The following PHACTR3 variants were observed in gnomAD, a reference collection of about 807,000 sequenced individuals.
PHACTR3 encodes the protein protein phosphatase 1, regulatory subunit 123.
In PHACTR3, 16 loss-of-function variants were observed where a neutral mutation model predicts 66.8. The ratio of observed to expected loss-of-function variants is 0.24; its 90% CI spans 0.16 to 0.36. PHACTR3 has a LOEUF of 0.36. Among genes scored for constraint, PHACTR3 ranks in the 10% least tolerant of loss-of-function variants. The pLI, the probability that PHACTR3 is intolerant of heterozygous loss-of-function variation, is 1.00. For synonymous variants in PHACTR3, 323 were observed against 292.1 expected (o/e 1.11, Z -1.08); for missense variants, 647 against 719.9 (o/e 0.90, Z 1.16).
At chr20:59,639,083 GGA>G (rs1296326323) in intron 1 of PHACTR3, among the ~76,000 whole-genome samples, 162 of 149,538 alleles carry the variant, frequency 1.1e-3, no homozygotes, top group Admixed American at 2.9e-3. Context: ...ATGGATGGAT[GGA>G]TGGATGGATG....
At chr20:59,799,171 G>T (rs901967271) in intron 7 of PHACTR3, among the ~76,000 whole-genome samples, 1 of 130,210 alleles carries the variant, frequency 7.7e-6, no homozygotes, top group African/African-American at 3.0e-5. Context: ...GAGTCCTTTG[G>T]CATTTATTGA....
chr20:59,634,010 T>G (rs2034761519), intron 1 of PHACTR3, among the ~76,000 whole-genome samples: 1 of 152,194 alleles, frequency 6.6e-6, no homozygotes, highest in Non-Finnish European at 1.5e-5. Context: ...AAATGTCTAA[T>G]TTTTACACGA....
Position 59,830,144 on chromosome 20 carries a change from A to G in PHACTR3, c.1329-6361A>G, listed in dbSNP as rs1204587957. ...TGTCTGATGAAAGAGGCTATGACAG[A>G]CAGGAGCATGTGCGTGTCTGGTGGA... On this transcript the variant is annotated intron_variant, in intron 8 of 12. Transcript: ENST00000371015. This position sits in a 1 kb window ranked among gnomAD's most constrained non-coding sequence, Gnocchi z 5.8. 6.7e-6 allele frequency among the ~76,000 whole-genome samples: 1 copy of G among 149,342 alleles called. No homozygotes were observed. Among genetic ancestry groups the G allele is most frequent in the African/African-American group, 2.6e-5 (1 of 39,120 alleles).
At chr20:59,725,154 G>T (rs979726037) in intron 1 of PHACTR3, among the ~76,000 whole-genome samples, 1 of 151,912 alleles carries the variant, frequency 6.6e-6, no homozygotes, top group African/African-American at 2.4e-5. Context: ...TGCAAGCCCA[G>T]GTGTGCTGCG....
intron 8 of PHACTR3, among the ~76,000 whole-genome samples, chr20:59,822,384 A>T (rs2042072504): frequency 6.7e-6 from 1 of 149,016 alleles, no homozygotes; most frequent in African/African-American, 2.5e-5. Context: ...AACAAAGCAG[A>T]TGCGGGGGCT....
intron 7 of PHACTR3, among the ~76,000 whole-genome samples, chr20:59,803,651 C>T (rs2041483650): frequency 6.6e-6 from 1 of 152,190 alleles, no homozygotes; most frequent in Admixed American, 6.5e-5. Flanking sequence ...ATATACGCCA[C>T]CATTTTTAAT....
chr20:59,767,524 C>T, intron 5 of PHACTR3, 129 bp downstream of exon 5: 1 of 1,112,900 alleles, frequency 9.0e-7, no homozygotes, highest in Non-Finnish European at 1.3e-6. Flanking sequence ...CCATCCATAC[C>T]TTCAACCAGT....
chr20:59,801,252 C>G (rs528842955), intron 7 of PHACTR3, among the ~76,000 whole-genome samples: 5 of 152,296 alleles, frequency 3.3e-5, no homozygotes, highest in Admixed American at 3.3e-4. Flanking sequence ...GGCCTGGCAA[C>G]TCTCTAGAGG....
intron 1 of PHACTR3, among the ~76,000 whole-genome samples, chr20:59,587,712 C>G (rs547123787): frequency 3.3e-5 from 5 of 152,178 alleles, no homozygotes; most frequent in Admixed American, 2.0e-4. Flanking sequence ...ACTGAGGTCC[C>G]TATTTTCTTG....
At chr20:59,827,157 G>A (rs2042217521) in intron 8 of PHACTR3, among the ~76,000 whole-genome samples, 1 of 152,184 alleles carries the variant, frequency 6.6e-6, no homozygotes, top group Non-Finnish European at 1.5e-5. Flanking sequence ...TCACGGTGGG[G>A]TTGGGGAAGC....
At chr20:59,789,416 G>C (rs1329949672) in intron 7 of PHACTR3, among the ~76,000 whole-genome samples, 1 of 152,210 alleles carries the variant, frequency 6.6e-6, no homozygotes, top group Non-Finnish European at 1.5e-5. Flanking sequence ...GAAGGTCAGG[G>C]GGTGCTAGGA....
intron 8 of PHACTR3, among the ~76,000 whole-genome samples, chr20:59,831,265 A>G (rs1455224326): frequency 6.6e-6 from 1 of 152,128 alleles, no homozygotes; most frequent in African/African-American, 2.4e-5. Context: ...TCCTGTCTGC[A>G]TTCCAGGGCC....
intron 1 of PHACTR3, among the ~76,000 whole-genome samples, chr20:59,609,207 C>G (rs2033773550): frequency 1.3e-5 from 2 of 152,198 alleles, no homozygotes; most frequent in African/African-American, 4.8e-5. Flanking sequence ...GCATCCTCTC[C>G]TGTCATGAGC....
chr20:59,820,115 C>T lies in PHACTR3; in HGVS notation c.1328+13921C>T, dbSNP rs1328131283. Among the ~76,000 whole-genome samples, 1 of 152,172 alleles carries T rather than the reference C, an allele frequency of 6.6e-6. No individual in the cohort carries two copies. The highest frequency in any genetic ancestry group is 1.5e-5 in the Non-Finnish European group (1 of 68,042). On this transcript the variant is annotated intron_variant, in intron 8 of 12. Transcript: ENST00000371015. The surrounding 1 kb of genome is among the most constrained non-coding windows in gnomAD (Gnocchi z 4.6). The stretch of plus-strand genomic sequence containing the variant: ...GTCTGTTCTGCACAGATGCACCTTC[C>T]TGAGCTCTTGGCGTGGCACCACCTC...
Position 59,831,999 on chromosome 20 carries a change from G to A in PHACTR3, c.1329-4506G>A, listed in dbSNP as rs915353817. 2.0e-5 allele frequency among the ~76,000 whole-genome samples: 3 copies of A among 152,180 alleles called. No homozygotes were observed. The South Asian group carries it at 6.2e-4, about 32-fold the overall frequency. On this transcript the variant is annotated intron_variant, in intron 8 of 12. Coordinates refer to ENST00000371015, the MANE Select transcript of PHACTR3 (RefSeq NM_080672.5). ...CAGGGCAGGGGTCAGCACACTGTGG[G>A]GCAGGGGTGGTGGCCTGTGATGCAT... is the stretch of plus-strand genomic sequence containing the variant.
intron 1 of PHACTR3, among the ~76,000 whole-genome samples, chr20:59,728,653 G>C (rs1046222568): frequency 2.0e-5 from 3 of 152,050 alleles, no homozygotes; most frequent in African/African-American, 7.2e-5. Flanking sequence ...TCCACAAAGA[G>C]TCTTACCTGA....
intron 8 of PHACTR3, among the ~76,000 whole-genome samples, chr20:59,815,633 C>T (rs529918228): frequency 1.8e-4 from 28 of 152,180 alleles, no homozygotes; most frequent in African/African-American, 6.7e-4. Flanking sequence ...CCATGTTGGC[C>T]AGGATGGTCT....
intron 7 of PHACTR3, among the ~76,000 whole-genome samples, chr20:59,779,071 C>T (rs2040635261): frequency 6.6e-6 from 1 of 152,210 alleles, no homozygotes; most frequent in Admixed American, 6.5e-5. Flanking sequence ...GGATTCCTGT[C>T]TGACCCTGAG....
intron 7 of PHACTR3, among the ~76,000 whole-genome samples, chr20:59,777,841 T>G (rs8117020): frequency 0.38 from 57,084 of 151,858 alleles, 13,149 homozygotes; most frequent in East Asian, 0.68. Flanking sequence ...GTGACCCTGA[T>G]GAATCTGATT....
Sources: gnomAD v4.1 joint callset for allele counts (sites outside exome capture counted in the v4.1 genomes callset) on GRCh38, gnomAD v4.1.1 for gene constraint, Gnocchi (gnomAD v3.1) non-coding constraint, MANE v1.5 for transcripts, NCBI Gene and HGNC (gene_info 2026-07-23, HGNC 2026-07-21) for gene names.